DMD: variants seen among roughly 807,000 people sequenced by gnomAD.
DMD encodes dystrophin, also known as mutant dystrophin.
In DMD, 63 loss-of-function variants were observed where a neutral mutation model predicts 330.1. That is an observed-to-expected ratio of 0.19 (90% CI 0.16 to 0.24). The LOEUF (loss-of-function observed/expected upper bound fraction) is 0.24. DMD is among the 10% of genes least tolerant of loss of function. DMD has a pLI of 1.00. For missense variants in DMD, 3,344 were observed against 2,684.1 expected, an observed-to-expected ratio of 1.25 and a Z score of -5.43; for synonymous variants, 1,223 against 959.8, an observed-to-expected ratio of 1.27 and a Z score of -5.07.
At chrX:31,830,917 G>A (rs137915459) in intron 49 of DMD, among the ~76,000 whole-genome samples, 1,194 of 111,955 alleles carry the variant, frequency 0.011, 6 homozygotes, top group Non-Finnish European at 0.018. Context: ...TACCAACGAC[G>A]TGTCTAGCCC....
intron 9 of DMD, among the ~76,000 whole-genome samples, chrX:32,666,715 T>A (rs766475273): frequency 9.2e-6 from 1 of 108,843 alleles, no homozygotes; most frequent in Non-Finnish European, 1.9e-5. Context: ...TGTAGTCCCA[T>A]CTACTTGGGA....
At chrX:32,804,301 G>A (rs908097397) in intron 7 of DMD, among the ~76,000 whole-genome samples, 1 of 112,040 alleles carries the variant, frequency 8.9e-6, no homozygotes, top group South Asian at 3.7e-4. Context: ...AGGGGCGTCC[G>A]CCATTACTGA....
At chrX:33,257,065 T>C (rs1198144758) in intron 1 of DMD, among the ~76,000 whole-genome samples, 1 of 110,385 alleles carries the variant, frequency 9.1e-6, no homozygotes, top group Non-Finnish European at 1.9e-5. Context: ...CCATACTTGC[T>C]CTTTTGGTGT....
intron 61 of DMD, among the ~76,000 whole-genome samples, chrX:31,329,113 A>C (rs2056955030): frequency 8.9e-6 from 1 of 112,541 alleles, no homozygotes; most frequent in Non-Finnish European, 1.9e-5. Flanking sequence ...TGCAGTGAAA[A>C]TCAGAGGCCC....
Position 32,390,111 on chromosome X carries a change from T to A in DMD, c.4304A>T (p.Glu1435Val), listed in dbSNP as rs768351017. The change falls in exon 31 of 79, where the codon GAG (glutamate) becomes GTG (valine). Residue 1435 changes from glutamate to valine, a missense_variant. Physicochemically the swap from Glu to Val is moderately radical, Grantham distance 121. Transcript: ENST00000357033. ...EEMKKHNQGK[E>V]AAQRVLSQID... ...CTGAGACAGGACTCTTTGGGCAGCC[T>A]CCTTCCCCTGATTATGTTTCTTCAT... The A allele has an allele frequency of 1.7e-6, 2 of 1,210,465 alleles. No homozygotes were observed. The highest frequency in any genetic ancestry group is 1.8e-5 in the South Asian group (1 of 56,976).
chrX:32,777,610 G>A (rs1033943318), intron 7 of DMD, among the ~76,000 whole-genome samples: 3 of 110,984 alleles, frequency 2.7e-5, no homozygotes, highest in African/African-American at 6.6e-5. Flanking sequence ...AAAAGAAATC[G>A]GTATTTTTTA....
At chrX:31,983,466 A>C (rs1041243825) in intron 44 of DMD, among the ~76,000 whole-genome samples, 2 of 111,885 alleles carry the variant, frequency 1.8e-5, no homozygotes, top group Non-Finnish European at 3.8e-5. Context: ...TTAATTAGTA[A>C]ACACAAACAA....
intron 51 of DMD, among the ~76,000 whole-genome samples, chrX:31,751,324 C>T (rs17340929): frequency 9.0e-6 from 1 of 110,879 alleles, no homozygotes; most frequent in South Asian, 3.8e-4. Context: ...AGGTCTCTTC[C>T]CAAGCAACTC....
rs72221129 is a variant in DMD, at chrX:31,889,641, TCTCTCTCACACACACACACACACA to T, written c.6913-14292_6913-14269del. 5.2e-3 allele frequency among the ~76,000 whole-genome samples: 355 copies of T among 68,715 alleles called. 1 individual carries two copies. The highest frequency in any genetic ancestry group is 0.014 in the Middle Eastern group (2 of 145). 59.7% of individuals were successfully genotyped at this position (68,715 alleles called of 115,157 possible). On this transcript the variant is annotated intron_variant, in intron 47 of 78. Transcript: ENST00000357033. ...CTCTGTCTCTCTCTCTCTCTCTCTC[TCTCTCTCACACACACACACACACA>T]CACACACACACACACACGCACACCA...
chrX:31,998,434 G>A (rs2095604134), intron 44 of DMD, among the ~76,000 whole-genome samples: 1 of 111,789 alleles, frequency 8.9e-6, no homozygotes, highest in Non-Finnish European at 1.9e-5. Context: ...TAGCCCAGAC[G>A]GCCTGACAGA....
At chrX:32,806,382 T>C (rs1426402033) in intron 7 of DMD, among the ~76,000 whole-genome samples, 1 of 111,330 alleles carries the variant, frequency 9.0e-6, no homozygotes, top group East Asian at 2.8e-4. Flanking sequence ...AAGGGATCAA[T>C]GCAATAAGAA....
intron 21 of DMD, among the ~76,000 whole-genome samples, chrX:32,474,916 A>G (rs1050443246): frequency 2.7e-5 from 3 of 111,622 alleles, no homozygotes; most frequent in African/African-American, 9.8e-5. Flanking sequence ...GTTCCTGGTC[A>G]TGAAATCCTT....
At chrX:31,319,936 T>C (rs915841355) in intron 62 of DMD, among the ~76,000 whole-genome samples, 1 of 112,362 alleles carries the variant, frequency 8.9e-6, no homozygotes, top group African/African-American at 3.2e-5. Context: ...GGCTATTATA[T>C]TGAAATTTTC....
At chrX:32,111,766 C>T (rs2096590513) in intron 44 of DMD, among the ~76,000 whole-genome samples, 1 of 111,346 alleles carries the variant, frequency 9.0e-6, no homozygotes, top group African/African-American at 3.3e-5. Flanking sequence ...CTGACCGAAT[C>T]ATAATAAACA....
rs142508215 is a variant in DMD at position 32,579,305 on chromosome X, T to A, written c.1603-5459A>T. On this transcript the variant is annotated intron_variant, in intron 13 of 78. Coordinates refer to ENST00000357033, the MANE Select transcript of DMD (RefSeq NM_004006.3). ...ATAATTCTTACTTCTATTTAAATGA[T>A]CCTGTAATAATCTCCTGTCTGAACT... Among the ~76,000 whole-genome samples the A allele has an allele frequency of 2.6e-3, 288 of 112,304 alleles. 2 individuals are homozygous for A. Among genetic ancestry groups the A allele is most frequent in the Middle Eastern group, 9.3e-3 (2 of 215 alleles).
chrX:32,793,384 G>GA (rs1239988013), intron 7 of DMD, among the ~76,000 whole-genome samples: 57 of 104,021 alleles, frequency 5.5e-4, no homozygotes, highest in Non-Finnish European at 5.0e-4. Flanking sequence ...GCTAGTCAAA[G>GA]AAAAAAAAAC....
Position 32,573,759 on chromosome X carries a change from G to A in DMD, c.1690C>T (p.Leu564Phe). ...LQDILLKWQR[L>F]TEEQCLFSAW... Reference sequence around the variant, plus strand: ...ACATGACACACCTGTTCTTCAGTAAGACGTTGCCATTTGAGAAGGATGTCT... The same window carrying A: ...ACATGACACACCTGTTCTTCAGTAAAACGTTGCCATTTGAGAAGGATGTCT... Residue 564 changes from leucine to phenylalanine, a missense_variant, in exon 14 of 79, where the codon CTT becomes TTT. Coordinates refer to ENST00000357033, the MANE Select transcript of DMD (RefSeq NM_004006.3). 1 of 1,211,107 alleles carries A rather than the reference G, an allele frequency of 8.3e-7. No individual in the cohort carries two copies. The highest frequency in any genetic ancestry group is 1.1e-6 in the Non-Finnish European group (1 of 895,049).
chrX:33,170,004 T>C (rs2049256556), intron 1 of DMD, among the ~76,000 whole-genome samples: 1 of 111,275 alleles, frequency 9.0e-6, no homozygotes, highest in South Asian at 3.7e-4. Flanking sequence ...CTCTGAAAAG[T>C]ACATTGGCTA....
rs777178848 is a variant in DMD at position 31,790,354 on chromosome X, C to A, written c.7310-16162G>T. On this transcript the variant is annotated intron_variant, in intron 50 of 78. Coordinates refer to ENST00000357033, the MANE Select transcript of DMD (RefSeq NM_004006.3). ...TATTGACAATGGGGGCCTGTGGCTA[C>A]CAAAATTAGGTGACTTGAACAGATA... 6.4e-3 allele frequency among the ~76,000 whole-genome samples: 707 copies of A among 111,105 alleles called. 3 individuals are homozygous for A. Among genetic ancestry groups the A allele is most frequent in the Non-Finnish European group, 8.4e-3 (445 of 52,865 alleles).
Sources: allele counts gnomAD v4.1 joint callset (sites outside exome capture counted in the v4.1 genomes callset), GRCh38; gene constraint gnomAD v4.1.1; transcripts MANE v1.5; gene names NCBI Gene and HGNC (gene_info 2026-07-23, HGNC 2026-07-21).